SMU1: variants seen among roughly 807,000 people sequenced by gnomAD.
SMU1 encodes SMU1 DNA replication regulator and spliceosomal factor.
A neutral mutation model predicts 62.0 loss-of-function variants in SMU1; 2 were observed. The observed-to-expected ratio is 0.03, with a 90% CI of 0.01 to 0.10. The LOEUF (loss-of-function observed/expected upper bound fraction) is 0.10, where lower values mean the gene tolerates loss of function less well. SMU1 is among the 10% of genes least tolerant of loss of function. SMU1 has a pLI of 1.00. For synonymous variants in SMU1, 188 were observed against 212.4 expected, an observed-to-expected ratio of 0.89 and a Z score of 1.00; for missense variants, 227 against 622.1, an observed-to-expected ratio of 0.36 and a Z score of 6.76.
At chr9:33,070,517 C>T (rs1839474080) in intron 3 of SMU1, among the ~76,000 whole-genome samples, 1 of 152,210 alleles carries the variant, frequency 6.6e-6, no homozygotes, top group Non-Finnish European at 1.5e-5. Flanking sequence ...TATGATCCAG[C>T]AATCCCACTG....
Position 33,053,766 on chromosome 9 carries a change from C to T in SMU1, c.1123-476G>A, listed in dbSNP as rs150114914. Among the ~76,000 whole-genome samples, 463 of 152,194 alleles carry T rather than the reference C, an allele frequency of 3.0e-3. 1 individual carries two copies. Among genetic ancestry groups the T allele is most frequent in the African/African-American group, 0.011 (444 of 41,508 alleles). ...TTTGTGATTGGTTGAATCCATGTTC[C>T]GGATACAGAGGACCAACTGTAATAG... On this transcript the variant is annotated intron_variant, in intron 9 of 11. Coordinates refer to ENST00000397149, the MANE Select transcript of SMU1 (RefSeq NM_018225.3).
At chr9:33,055,485 G>GAA (rs1236735069) in intron 9 of SMU1, among the ~76,000 whole-genome samples, 2 of 151,964 alleles carry the variant, frequency 1.3e-5, no homozygotes, top group Non-Finnish European at 2.9e-5. Flanking sequence ...AATGTAAATA[G>GAA]TGTCTCAAAG....
At position 33,049,418 on chromosome 9, in the gene SMU1, A is replaced by G. The variant is rs573219030; in HGVS notation, c.1291-1160T>C. On this transcript the variant is annotated intron_variant, in intron 10 of 11. Transcript: ENST00000397149. ...TGTATCTAGACACAATAAAATAAAG[A>G]CCTTACAGTCTTCACAAAAATTAAC... 2.6e-5 allele frequency among the ~76,000 whole-genome samples: 4 copies of G among 152,322 alleles called. No homozygotes were observed. The South Asian group carries it at 8.3e-4, about 32-fold the overall frequency.
At chr9:33,054,793 A>T (rs1839286917) in intron 9 of SMU1, among the ~76,000 whole-genome samples, 2 of 152,220 alleles carry the variant, frequency 1.3e-5, no homozygotes, top group Non-Finnish European at 2.9e-5. Context: ...CAACACTGTT[A>T]TTGCCTGCCC....
At chr9:33,064,492 C>T (rs1224764982) in intron 4 of SMU1, among the ~76,000 whole-genome samples, 1 of 152,118 alleles carries the variant, frequency 6.6e-6, no homozygotes, top group Non-Finnish European at 1.5e-5. Context: ...GTCAGTGTCC[C>T]AACATCATAT....
chr9:33,044,708 T>A lies in SMU1; in HGVS notation c.*2585A>T. On this transcript the variant is annotated 3_prime_UTR_variant, in exon 12 of 12. Coordinates refer to ENST00000397149, the MANE Select transcript of SMU1 (RefSeq NM_018225.3). The stretch of plus-strand genomic sequence containing the variant: ...ACAAGGGTTACCTGGGAAAGGCAGA[T>A]TTTCAACTTAGCGTTTACATGTTCA... 1 of 152,252 alleles carries A rather than the reference T, an allele frequency of 6.6e-6. No homozygotes were observed. Among genetic ancestry groups the A allele is most frequent in the Non-Finnish European group, 1.5e-5 (1 of 68,052 alleles). The allele number at this position is 152,252 out of a possible 1,614,324, so 9.4% of individuals were successfully genotyped here.
At chr9:33,059,231 A>G (rs1839335719) in intron 6 of SMU1, among the ~76,000 whole-genome samples, 3 of 152,200 alleles carry the variant, frequency 2.0e-5, no homozygotes, top group Admixed American at 2.0e-4. Flanking sequence ...ATAGTATGCT[A>G]TCATCTGTAT....
At chr9:33,050,309 TTTTGGAA>T (rs1839228643) in intron 10 of SMU1, among the ~76,000 whole-genome samples, 1 of 152,202 alleles carries the variant, frequency 6.6e-6, no homozygotes, top group Non-Finnish European at 1.5e-5. Context: ...GATACATCCA[TTTTGGAA>T]CAGTTTGATA....
At chr9:33,060,682 G>C (rs1839352263) in intron 5 of SMU1, 98 bp from the exon 6 acceptor site, 3 of 1,480,952 alleles carry the variant, frequency 2.0e-6, no homozygotes, top group Admixed American at 2.1e-5. Flanking sequence ...CTAGCATAAA[G>C]TCATAGCTGG....
intron 10 of SMU1, 88 bp from the exon 11 acceptor site, chr9:33,048,346 G>A: frequency 3.9e-6 from 6 of 1,524,888 alleles, no homozygotes; most frequent in South Asian, 1.2e-5. Flanking sequence ...TTTTTACGTT[G>A]TTATTTTGCA....
intron 4 of SMU1, among the ~76,000 whole-genome samples, chr9:33,065,785 T>G (rs568796704): frequency 6.6e-6 from 1 of 152,282 alleles, no homozygotes; most frequent in South Asian, 2.1e-4. Context: ...CGCCTTAGCC[T>G]CAAGAGAAAT....
chr9:33,056,797 A>G, intron 8 of SMU1, 40 bp downstream of exon 8: 4 of 1,603,480 alleles, frequency 2.5e-6, no homozygotes, highest in Non-Finnish European at 3.4e-6. Flanking sequence ...GCCTCATTAT[A>G]TCAAACTCAA....
chr9:33,075,816 G>C (rs1839538898), intron 1 of SMU1, among the ~76,000 whole-genome samples: 1 of 152,134 alleles, frequency 6.6e-6, no homozygotes, highest in South Asian at 2.1e-4. Flanking sequence ...TTATTATTAA[G>C]TGTTGGCAAG....
intron 3 of SMU1, among the ~76,000 whole-genome samples, chr9:33,071,146 C>T (rs1329390092): frequency 6.6e-6 from 1 of 151,030 alleles, no homozygotes; most frequent in African/African-American, 2.4e-5. Context: ...ACTATGTACC[C>T]ATAAAAAATT....
intron 6 of SMU1, among the ~76,000 whole-genome samples, chr9:33,058,449 C>T (rs563124581): frequency 3.3e-5 from 5 of 152,104 alleles, no homozygotes; most frequent in Admixed American, 2.0e-4. Flanking sequence ...CCTAAGTAGC[C>T]GGGATTACAG....
chr9:33,047,992 A>G (rs1400339963), intron 11 of SMU1, 114 bp downstream of exon 11: 6 of 895,474 alleles, frequency 6.7e-6, no homozygotes, highest in African/African-American at 6.7e-5. Context: ...TTAAAACAAC[A>G]TATTTTATAC....
At chr9:33,053,803 A>G (rs376099229) in intron 9 of SMU1, among the ~76,000 whole-genome samples, 343 of 152,350 alleles carry the variant, frequency 2.3e-3, no homozygotes, top group African/African-American at 7.8e-3. Flanking sequence ...GTAAGCATTC[A>G]TCATGTATTT....
At chr9:33,069,232 A>G (rs561878622) in intron 3 of SMU1, among the ~76,000 whole-genome samples, 2 of 152,332 alleles carry the variant, frequency 1.3e-5, no homozygotes, top group African/African-American at 2.4e-5. Context: ...AAAGAGTCCA[A>G]GTAAACCACA....
chr9:33,059,644 T>C (rs1022549342), intron 6 of SMU1, among the ~76,000 whole-genome samples: 1 of 144,998 alleles, frequency 6.9e-6, no homozygotes, highest in Admixed American at 6.8e-5. Flanking sequence ...TCGCTCTTGT[T>C]GCCCAGGCTG....
Sources: allele counts gnomAD v4.1 joint callset (sites outside exome capture counted in the v4.1 genomes callset), GRCh38; gene constraint gnomAD v4.1.1; transcripts MANE v1.5; gene names NCBI Gene and HGNC (gene_info 2026-07-23, HGNC 2026-07-21).